Variants in DDX21 observed in about 807,000 individuals in gnomAD.
The protein encoded by DDX21 is nucleolar RNA helicase 2.
A neutral mutation model predicts 90.0 loss-of-function variants in DDX21; 18 were observed. That is an observed-to-expected ratio of 0.20 (90% confidence interval 0.14 to 0.30). The LOEUF is 0.30. DDX21 is among the 10% of genes least tolerant of loss of function. The pLI, the probability that DDX21 is intolerant of heterozygous loss-of-function variation, is 1.00. For synonymous variants in DDX21, 294 were observed against 318.0 expected (o/e 0.92, Z 0.80); for missense variants, 673 against 944.5 (o/e 0.71, Z 3.77).
intron 1 of DDX21, chr10:68,956,674 T>A: frequency 9.2e-7 from 1 of 1,085,126 alleles, no homozygotes; most frequent in South Asian, 2.7e-5. Flanking sequence ...GGACCTTCAG[T>A]CAGGCTCCAC....
intron 8 of DDX21, 117 bp downstream of exon 8, chr10:68,970,467 A>G: frequency 1.0e-6 from 1 of 982,272 alleles, no homozygotes; most frequent in Non-Finnish European, 1.4e-6. Flanking sequence ...AGTTTAGTTT[A>G]GAAATGAGAG....
At chr10:68,964,894 G>A in intron 4 of DDX21, among the ~76,000 whole-genome samples, 1 of 152,022 alleles carries the variant, frequency 6.6e-6, no homozygotes, top group East Asian at 1.9e-4. Context: ...ACCCACCTTG[G>A]CCTCCCAAAG....
intron 9 of DDX21, among the ~76,000 whole-genome samples, chr10:68,972,684 C>T (rs1281460913): frequency 3.3e-5 from 5 of 152,098 alleles, no homozygotes; most frequent in Non-Finnish European, 5.9e-5. Context: ...CATTGTTTCA[C>T]GAGCCTTTAG....
In DDX21 at chr10:68,969,067, T is replaced by C. The variant is rs774374701; in HGVS notation, c.1182T>C (p.Tyr394=). The C allele has an allele frequency of 1.2e-6, 2 of 1,614,060 alleles. No homozygotes were observed. The highest frequency in any genetic ancestry group is 2.2e-5 in the South Asian group (2 of 91,058). Residue 394 remains tyrosine (Y), a synonymous_variant, in exon 7 of 15, where the codon TAT becomes TAC. Coordinates refer to ENST00000354185, the MANE Select transcript of DDX21 (RefSeq NM_004728.4). ...NVAKKYMKST[Y]EQVDLIGKKT... is the part of the protein sequence containing the mutation. ...CCAAGAAATACATGAAATCTACATA[T>C]GAACAGGTGGACCTGATTGGTAAAA...
chr10:68,980,943 G>C (rs1843180625), intron 13 of DDX21, among the ~76,000 whole-genome samples: 1 of 148,916 alleles, frequency 6.7e-6, no homozygotes, highest in African/African-American at 2.5e-5. Flanking sequence ...AGTAGAGCAA[G>C]ACCCTATCTT....
intron 1 of DDX21, among the ~76,000 whole-genome samples, chr10:68,958,691 C>A (rs1055665901): frequency 3.9e-5 from 6 of 152,266 alleles, no homozygotes; most frequent in Admixed American, 3.9e-4. Flanking sequence ...CCCTCCTTGG[C>A]CTCCCAAAGT....
chr10:68,981,392 G>A, intron 13 of DDX21, 145 bp from the exon 14 acceptor site: 3 of 724,050 alleles, frequency 4.1e-6, no homozygotes, highest in Admixed American at 5.6e-5. Context: ...ATTAGCTTTG[G>A]TCTAAAGTTC....
intron 8 of DDX21, among the ~76,000 whole-genome samples, chr10:68,971,048 C>T (rs1243368131): frequency 2.9e-5 from 4 of 138,964 alleles, no homozygotes; most frequent in Non-Finnish European, 3.0e-5. Context: ...TCTCGGATCA[C>T]TGTAGCCTCA....
chr10:68,976,374 G>A (rs1196077782), intron 11 of DDX21, among the ~76,000 whole-genome samples: 2 of 151,230 alleles, frequency 1.3e-5, no homozygotes, highest in Non-Finnish European at 2.9e-5. Flanking sequence ...TGCAAGCTCT[G>A]CCTCCCTGGT....
At chr10:68,979,460 G>A (rs1843154754) in intron 13 of DDX21, among the ~76,000 whole-genome samples, 1 of 152,094 alleles carries the variant, frequency 6.6e-6, no homozygotes, top group Non-Finnish European at 1.5e-5. Context: ...AAAAGCTTTT[G>A]TTTACATGGG....
Position 68,969,312 on chromosome 10 carries a change from G to A in DDX21, c.1236+191G>A, listed in dbSNP as rs192826657. Among the ~76,000 whole-genome samples, 8 of 152,094 alleles carry A rather than the reference G, an allele frequency of 5.3e-5. No individual in the cohort carries two copies. The East Asian group carries it at 5.8e-4, about 11-fold the overall frequency. On this transcript the variant is annotated intron_variant, in intron 7 of 14. Coordinates refer to ENST00000354185, the MANE Select transcript of DDX21 (RefSeq NM_004728.4). ...TTTTTATTTTTTGAGATGGAGTCTC[G>A]CTCTGTCACCAGGCTGGAGTGCAGT...
chr10:68,968,954 T>C (rs1289340561), intron 6 of DDX21, 22 bp from the exon 7 acceptor site: 1 of 1,610,726 alleles, frequency 6.2e-7, no homozygotes, highest in Non-Finnish European at 8.5e-7. Flanking sequence ...CATACTGACT[T>C]TTTTTTTCCC....
intron 5 of DDX21, 84 bp downstream of exon 5, chr10:68,965,578 G>A: frequency 9.9e-7 from 1 of 1,013,384 alleles, no homozygotes; most frequent in East Asian, 2.4e-5. Flanking sequence ...CTTGACATCT[G>A]GCTTCTCTAT....
intron 1 of DDX21, 56 bp downstream of exon 1, chr10:68,956,368 G>C: frequency 6.2e-7 from 1 of 1,608,148 alleles, no homozygotes; most frequent in East Asian, 2.2e-5. Context: ...GAACCCCGGG[G>C]TGCGGGAGAA....
intron 1 of DDX21, among the ~76,000 whole-genome samples, chr10:68,958,108 CTCTT>C (rs1189657519): frequency 1.3e-5 from 2 of 152,026 alleles, no homozygotes; most frequent in African/African-American, 4.8e-5. Context: ...CATAAAGTGT[CTCTT>C]TATTTTATTA....
At chr10:68,968,645 A>G (rs371890575) in intron 6 of DDX21, among the ~76,000 whole-genome samples, 23 of 152,366 alleles carry the variant, frequency 1.5e-4, no homozygotes, top group African/African-American at 5.3e-4. Context: ...GCTGGACTCA[A>G]TGATTGGACA....
At chr10:68,974,893 C>G (rs1297796714) in intron 11 of DDX21, 150 bp downstream of exon 11, 1 of 579,384 alleles carries the variant, frequency 1.7e-6, no homozygotes, top group African/African-American at 1.9e-5. Flanking sequence ...GTCTCAACTC[C>G]TGGTCTCAAG....
intron 10 of DDX21, among the ~76,000 whole-genome samples, chr10:68,974,342 C>T (rs570747478): frequency 6.6e-6 from 1 of 152,068 alleles, no homozygotes; most frequent in Non-Finnish European, 1.5e-5. Context: ...AACTGTTGAC[C>T]AGCACTCCTT....
intron 11 of DDX21, among the ~76,000 whole-genome samples, chr10:68,976,846 C>T (rs1169849595): frequency 1.3e-5 from 2 of 152,148 alleles, no homozygotes; most frequent in East Asian, 3.9e-4. Flanking sequence ...TTATTATTGC[C>T]AAGATAATAG....
Sources: allele counts gnomAD v4.1 joint callset (sites outside exome capture counted in the v4.1 genomes callset), GRCh38; gene constraint gnomAD v4.1.1; transcripts MANE v1.5; gene names NCBI Gene and HGNC (gene_info 2026-07-23, HGNC 2026-07-21).